DLG5: variants seen among roughly 807,000 people sequenced by gnomAD.
The protein encoded by DLG5 is disks large homolog 5.
In DLG5, 48 loss-of-function variants were observed where a neutral mutation model predicts 189.8. The observed-to-expected ratio is 0.25, with a 90% CI of 0.20 to 0.32. DLG5 has a LOEUF of 0.32. DLG5 is among the 10% of genes least tolerant of loss of function. The probability of loss-of-function intolerance (pLI) is 1.00; values close to 1 mark genes in which losing one functional copy is unlikely to be tolerated. For synonymous variants in DLG5, 1,016 were observed against 1,054.1 expected (o/e 0.96, Z 0.70); for missense variants, 2,160 against 2,544.7 (o/e 0.85, Z 3.25).
Position 77,819,410 on chromosome 10 carries a change from G to T in DLG5, c.3582C>A (p.Asn1194Lys). 1 of 1,614,064 alleles carries T rather than the reference G, an allele frequency of 6.2e-7. No homozygotes were observed. The highest frequency in any genetic ancestry group is 8.5e-7 in the Non-Finnish European group (1 of 1,180,026). ...PSTTVSSILR[N>K]PIYTVRSHRV... ...TGTGACTGCGCACAGTGTAGATGGG[G>T]TTCCGCAGGATGGAGCTCACAGTGG... is the stretch of plus-strand genomic sequence containing the variant. The change falls in exon 17 of 32, where the codon AAC becomes AAA. Residue 1194 changes from asparagine to lysine, a missense_variant. Around this residue, in one of 5 missense-constraint regions of DLG5, gnomAD observed 754 missense variants for 746.5 expected, o/e 1.01. Coordinates refer to ENST00000372391, the MANE Select transcript of DLG5 (RefSeq NM_004747.4).
At chr10:77,871,733 A>G (rs2579138) in intron 1 of DLG5, among the ~76,000 whole-genome samples, 38,866 of 151,258 alleles carry the variant, frequency 0.26, 5,569 homozygotes, top group Admixed American at 0.39. Flanking sequence ...TAGTAGAGAC[A>G]GGGTTTTGCT....
intron 1 of DLG5, among the ~76,000 whole-genome samples, chr10:77,888,432 T>C (rs1845507871): frequency 6.6e-6 from 1 of 152,136 alleles, no homozygotes; most frequent in South Asian, 2.1e-4. Context: ...TAGCAAAGAA[T>C]GTGCAAAAAA....
intron 16 of DLG5, 181 bp downstream of exon 16, chr10:77,819,714 C>T: frequency 8.7e-7 from 1 of 1,152,168 alleles, no homozygotes; most frequent in Non-Finnish European, 1.2e-6. Context: ...TGTTGACAAG[C>T]TAAGACATGT....
At chr10:77,837,345 G>A (rs894601856) in intron 7 of DLG5, among the ~76,000 whole-genome samples, 2 of 151,718 alleles carry the variant, frequency 1.3e-5, no homozygotes, top group East Asian at 1.9e-4. Flanking sequence ...GAGCTGACAC[G>A]TTACCACGTG....
At chr10:77,903,594 G>A (rs1251186760) in intron 1 of DLG5, among the ~76,000 whole-genome samples, 1 of 149,264 alleles carries the variant, frequency 6.7e-6, no homozygotes, top group Non-Finnish European at 1.5e-5. Context: ...CTTCAGCCTG[G>A]GCAACAGAGT....
chr10:77,911,457 T>C (rs1454773991), intron 1 of DLG5, among the ~76,000 whole-genome samples: 1 of 152,230 alleles, frequency 6.6e-6, no homozygotes, highest in East Asian at 1.9e-4. Context: ...CGTTAAAATA[T>C]GTAAATAGAA....
In DLG5 at chr10:77,817,785, G is replaced by T. The variant is rs1197782854; in HGVS notation, c.3776C>A (p.Ala1259Asp). 6 of 1,553,564 alleles carry T rather than the reference G, an allele frequency of 3.9e-6. No homozygotes were observed. Among genetic ancestry groups the T allele is most frequent in the Non-Finnish European group, 5.2e-6 (6 of 1,147,918 alleles). The part of the protein sequence containing the change: ...THGSNSLPSS[A>D]RLGSSSNLQF... ...CCAAGTGGTGCAGTTACCCAGGCGG[G>T]CGCTGGAGGGCAGTGAGTTGGACCC... The change falls in exon 18 of 32, where the codon GCC (alanine) becomes GAC (aspartate). Residue 1259 changes from alanine (A) to aspartate (D), a missense_variant. This residue lies in a region of DLG5 where 754 missense variants were observed against 746.5 expected (regional missense o/e 1.01). Transcript: ENST00000372391.
intron 2 of DLG5, chr10:77,868,304 C>T: frequency 2.8e-6 from 1 of 362,494 alleles, no homozygotes; most frequent in South Asian, 2.1e-5. Context: ...AAGACCCTAA[C>T]ATCCAGGAGT....
intron 1 of DLG5, among the ~76,000 whole-genome samples, chr10:77,883,129 T>G (rs890097139): frequency 1.3e-5 from 2 of 152,068 alleles, no homozygotes; most frequent in African/African-American, 4.8e-5. Flanking sequence ...CAAGCAGGTA[T>G]GAGCTTCAGG....
chr10:77,828,317 C>T (rs1485151505), intron 13 of DLG5, among the ~76,000 whole-genome samples: 1 of 151,998 alleles, frequency 6.6e-6, no homozygotes, highest in Non-Finnish European at 1.5e-5. Flanking sequence ...GAAACCCCAT[C>T]TCTACTAAAA....
intron 1 of DLG5, among the ~76,000 whole-genome samples, chr10:77,917,239 G>A (rs1846386357): frequency 6.6e-6 from 1 of 152,068 alleles, no homozygotes; most frequent in African/African-American, 2.4e-5. Flanking sequence ...CTACTCAGGA[G>A]GCTGAGGTGG....
chr10:77,880,216 G>A (rs1845234896), intron 1 of DLG5, among the ~76,000 whole-genome samples: 1 of 152,130 alleles, frequency 6.6e-6, no homozygotes, highest in African/African-American at 2.4e-5. Flanking sequence ...CACTTTGGGA[G>A]GCCAAGACGG....
intron 1 of DLG5, among the ~76,000 whole-genome samples, chr10:77,891,190 G>A (rs1845596020): frequency 6.6e-6 from 1 of 152,140 alleles, no homozygotes; most frequent in Admixed American, 6.5e-5. Context: ...ACTAGGCCTG[G>A]CTTCACCTAT....
At chr10:77,839,372 G>A (rs1410552785) in intron 7 of DLG5, among the ~76,000 whole-genome samples, 1 of 152,108 alleles carries the variant, frequency 6.6e-6, no homozygotes, top group East Asian at 1.9e-4. Flanking sequence ...GTACTGGCAA[G>A]TGTCTATAAT....
intron 26 of DLG5, 41 bp downstream of exon 26, chr10:77,806,717 G>GGGGCC: frequency 7.3e-7 from 1 of 1,371,172 alleles, no homozygotes; most frequent in Non-Finnish European, 1.0e-6. Flanking sequence ...GGCCCTCGGC[G>GGGGCC]ACCCCTGCCC....
intron 2 of DLG5, among the ~76,000 whole-genome samples, chr10:77,860,177 C>A (rs539502053): frequency 1.3e-5 from 2 of 152,244 alleles, no homozygotes; most frequent in Admixed American, 1.3e-4. Context: ...AGGTAATTGA[C>A]TCAAGTGCCC....
chr10:77,932,064 G>A, the DLG5 span, among the ~76,000 whole-genome samples: 5 of 152,190 alleles, frequency 3.3e-5, no homozygotes, highest in Admixed American at 6.5e-5. Flanking sequence ...TGAGCTGAGC[G>A]ATGTTGGGTA....
At chr10:77,904,217 C>A (rs1319391160) in intron 1 of DLG5, among the ~76,000 whole-genome samples, 3 of 152,162 alleles carry the variant, frequency 2.0e-5, no homozygotes, top group Admixed American at 2.0e-4. Context: ...GAACATGTTG[C>A]TCCTCTCATT....
chr10:77,816,643 G>C lies in DLG5; in HGVS notation c.3933C>G (p.Thr1311=), dbSNP rs753734022. 6.2e-7 allele frequency: 1 copy of C among 1,614,118 alleles called. No homozygotes were observed. Among genetic ancestry groups the C allele is most frequent in the South Asian group, 1.1e-5 (1 of 91,074 alleles). Residue 1311 remains threonine, a synonymous_variant, in exon 20 of 32, where the codon ACC becomes ACG. Coordinates refer to ENST00000372391, the MANE Select transcript of DLG5 (RefSeq NM_004747.4). ...TPPQSPLNID[T]LSSCSQSQTS... is the part of the protein sequence containing the mutation. ...TCTGGGACTGGCTACAAGAGGACAG[G>C]GTGTCGATGTTCAGGGGTGACTGTG...
Sources: gnomAD v4.1 joint callset for allele counts (sites outside exome capture counted in the v4.1 genomes callset) on GRCh38, gnomAD v4.1.1 for gene constraint, gnomAD v4.1.1 regional missense constraint, MANE v1.5 for transcripts, NCBI Gene and HGNC (gene_info 2026-07-23, HGNC 2026-07-21) for gene names.